The following LAMA2 variants were observed in gnomAD, a reference collection of about 807,000 sequenced individuals.
LAMA2 encodes the protein laminin subunit alpha 2, also known as laminin subunit alpha-2.
In LAMA2, 269 loss-of-function variants were observed where a neutral mutation model predicts 364.8. That is an observed-to-expected ratio of 0.74 (90% CI 0.67 to 0.82). The LOEUF is 0.82. Among genes scored for constraint, LAMA2 ranks in the 40% least tolerant of loss-of-function variants. The pLI, the probability that LAMA2 is intolerant of heterozygous loss-of-function variation, is 0.00. For missense variants in LAMA2, 3,807 were observed against 3,873.2 expected, an observed-to-expected ratio of 0.98 and a Z score of 0.45; for synonymous variants, 1,379 against 1,370.6, an observed-to-expected ratio of 1.01 and a Z score of -0.14.
At chr6:128,927,306 ATACT>A (rs1779160566) in intron 1 of LAMA2, among the ~76,000 whole-genome samples, 1 of 152,194 alleles carries the variant, frequency 6.6e-6, no homozygotes, top group Admixed American at 6.5e-5. Flanking sequence ...GATGTCTTAA[ATACT>A]TAGACATTTT....
intron 4 of LAMA2, among the ~76,000 whole-genome samples, chr6:129,120,228 T>G (rs1326483591): frequency 6.6e-6 from 1 of 152,230 alleles, no homozygotes; most frequent in Non-Finnish European, 1.5e-5. Context: ...TATGCGTGAG[T>G]CATCAACACA....
intron 3 of LAMA2, among the ~76,000 whole-genome samples, chr6:129,072,960 CTTTG>C (rs369138881): frequency 1.4e-4 from 22 of 152,066 alleles, no homozygotes; most frequent in African/African-American, 3.6e-4. Context: ...TGTTAGTATA[CTTTG>C]TTTATTTATT....
chr6:129,326,375 T>C (rs562572875), intron 28 of LAMA2, among the ~76,000 whole-genome samples: 156 of 152,158 alleles, frequency 1.0e-3, no homozygotes, highest in African/African-American at 3.6e-3. Flanking sequence ...ACCACAGTAA[T>C]AGGAAAAATG....
chr6:128,972,078 G>C (rs1259619158), intron 1 of LAMA2, among the ~76,000 whole-genome samples: 1 of 152,198 alleles, frequency 6.6e-6, no homozygotes, highest in Admixed American at 6.5e-5. Flanking sequence ...AGAATGTTAG[G>C]TGTGAGAGGG....
intron 42 of LAMA2, 144 bp from the exon 43 acceptor site, chr6:129,440,672 A>G: frequency 1.3e-6 from 1 of 746,082 alleles, no homozygotes; most frequent in Non-Finnish European, 2.3e-6. Context: ...TTCATTTGCT[A>G]CACCTGAATG....
chr6:129,120,541 AG>A (rs2114917766), intron 4 of LAMA2, among the ~76,000 whole-genome samples: 1 of 152,346 alleles, frequency 6.6e-6, no homozygotes, highest in Non-Finnish European at 1.5e-5. Context: ...AAGAGTAAGA[AG>A]TTTTACAATA....
At chr6:129,503,396 AAAAAT>A in intron 60 of LAMA2, 116 bp downstream of exon 60, 1 of 943,972 alleles carries the variant, frequency 1.1e-6, no homozygotes. Flanking sequence ...GGCAGAAGCT[AAAAAT>A]AAAATAAGTG....
At chr6:128,962,973 A>G (rs934562100) in intron 1 of LAMA2, among the ~76,000 whole-genome samples, 1 of 152,168 alleles carries the variant, frequency 6.6e-6, no homozygotes. Context: ...CAAACTACTG[A>G]TGAGAGATAA....
At chr6:129,078,652 C>G (rs1773821277) in intron 3 of LAMA2, among the ~76,000 whole-genome samples, 1 of 152,024 alleles carries the variant, frequency 6.6e-6, no homozygotes, top group African/African-American at 2.4e-5. Context: ...TTTAAAAAGT[C>G]ATGGTAAAAT....
At chr6:129,478,650 C>G in intron 53 of LAMA2, 43 bp from the exon 54 acceptor site, 4 of 1,606,936 alleles carry the variant, frequency 2.5e-6, no homozygotes, top group Non-Finnish European at 3.4e-6. Context: ...ACTACCATCA[C>G]CCTAATGATA....
intron 1 of LAMA2, among the ~76,000 whole-genome samples, chr6:129,015,653 T>C (rs996250620): frequency 6.6e-6 from 1 of 152,096 alleles, no homozygotes; most frequent in African/African-American, 2.4e-5. Flanking sequence ...TACCTGTAAG[T>C]ATTAGAGCAT....
At chr6:129,304,162 G>C (rs1324580319) in intron 22 of LAMA2, among the ~76,000 whole-genome samples, 1 of 152,140 alleles carries the variant, frequency 6.6e-6, no homozygotes. Context: ...GGTAGTAATA[G>C]GAACAAGTTT....
intron 1 of LAMA2, among the ~76,000 whole-genome samples, chr6:128,897,732 A>G (rs1262411997): frequency 6.6e-6 from 1 of 152,226 alleles, no homozygotes; most frequent in African/African-American, 2.4e-5. Flanking sequence ...TTGATCAAAG[A>G]TCTTGTAATT....
Position 129,423,043 on chromosome 6 carries a change from T to C in LAMA2, c.5866-4709T>C, listed in dbSNP as rs141344044. Among the ~76,000 whole-genome samples, 103 of 152,170 alleles carry C rather than the reference T, an allele frequency of 6.8e-4. 9 individuals are homozygous for C. The East Asian group carries it at 0.02, about 29-fold the overall frequency. On this transcript the variant is annotated intron_variant, in intron 40 of 64. Coordinates refer to ENST00000421865, the MANE Select transcript of LAMA2 (RefSeq NM_000426.4). Reference sequence around the variant, plus strand: ...GTAAGATTGGTTTAATATTTGAAATTAGTCAGTGTAATTTACCATATAGCA... The same window carrying C: ...GTAAGATTGGTTTAATATTTGAAATCAGTCAGTGTAATTTACCATATAGCA...
At chr6:129,468,814 C>T (rs960592919) in intron 51 of LAMA2, among the ~76,000 whole-genome samples, 3 of 151,860 alleles carry the variant, frequency 2.0e-5, no homozygotes, top group Admixed American at 6.6e-5. Context: ...AAGATGCATA[C>T]GGTTCCTACC....
At chr6:129,121,219 T>A (rs1440924451) in intron 4 of LAMA2, among the ~76,000 whole-genome samples, 1 of 152,174 alleles carries the variant, frequency 6.6e-6, no homozygotes, top group Non-Finnish European at 1.5e-5. Flanking sequence ...TGAATCACCC[T>A]CATCACTGTG....
intron 4 of LAMA2, among the ~76,000 whole-genome samples, chr6:129,108,876 G>A (rs1775981416): frequency 6.6e-6 from 1 of 152,030 alleles, no homozygotes; most frequent in Admixed American, 6.6e-5. Context: ...AGGTGATATG[G>A]GTTTTACTCA....
chr6:128,945,904 C>G (rs1052219816), intron 1 of LAMA2, among the ~76,000 whole-genome samples: 21 of 152,202 alleles, frequency 1.4e-4, no homozygotes, highest in African/African-American at 4.6e-4. Flanking sequence ...CTTCAAGCTA[C>G]TCAAAAGGAA....
chr6:129,267,321 C>A, intron 16 of LAMA2, 102 bp downstream of exon 16: 1 of 816,550 alleles, frequency 1.2e-6, no homozygotes, highest in South Asian at 1.3e-5. Flanking sequence ...ACACTTGAGT[C>A]AAGAAGTGCT....
Sources: gnomAD v4.1 joint callset for allele counts (sites outside exome capture counted in the v4.1 genomes callset) on GRCh38, gnomAD v4.1.1 for gene constraint, MANE v1.5 for transcripts, NCBI Gene and HGNC (gene_info 2026-07-23, HGNC 2026-07-21) for gene names.